Variants in RPS6KC1 observed in about 807,000 individuals in gnomAD.
The protein encoded by RPS6KC1 is inactive ribosomal protein S6 kinase delta-1.
A neutral mutation model predicts 103.8 loss-of-function variants in RPS6KC1; 54 were observed. The observed-to-expected ratio is 0.52, with a 90% CI of 0.42 to 0.65. The LOEUF is 0.65. Ranked by LOEUF, RPS6KC1 falls within the 30% of genes least tolerant of loss-of-function variation. The probability of loss-of-function intolerance (pLI) is 0.00; values close to 1 mark genes in which losing one functional copy is unlikely to be tolerated. For synonymous variants in RPS6KC1, 439 were observed against 438.7 expected, an observed-to-expected ratio of 1.00 and a Z score of -0.01; for missense variants, 1,151 against 1,253.8, an observed-to-expected ratio of 0.92 and a Z score of 1.24.
At chr1:213,167,318 G>T (rs1255812733) in intron 6 of RPS6KC1, among the ~76,000 whole-genome samples, 1 of 152,088 alleles carries the variant, frequency 6.6e-6, no homozygotes, top group East Asian at 1.9e-4. Flanking sequence ...TAAGAAGAGG[G>T]TTCTACTAGT....
chr1:213,591,179 G>A, the RPS6KC1 span, among the ~76,000 whole-genome samples: 5 of 152,136 alleles, frequency 3.3e-5, no homozygotes, highest in East Asian at 7.7e-4. Flanking sequence ...AGAAAGAACC[G>A]AGAGATGCCC....
intron 14 of RPS6KC1, among the ~76,000 whole-genome samples, chr1:213,269,464 G>A (rs182454072): frequency 4.3e-4 from 65 of 152,200 alleles, no homozygotes; most frequent in African/African-American, 1.4e-3. Flanking sequence ...CAGTGACTGC[G>A]GAACACACAT....
chr1:213,811,947 A>G, the RPS6KC1 span, among the ~76,000 whole-genome samples: 2 of 152,340 alleles, frequency 1.3e-5, no homozygotes, highest in South Asian at 4.1e-4. Context: ...ATCTTATTTA[A>G]TTCTTGACTC....
chr1:213,555,095 T>C, the RPS6KC1 span, among the ~76,000 whole-genome samples: 2 of 152,188 alleles, frequency 1.3e-5, no homozygotes, highest in Admixed American at 1.3e-4. Context: ...AGCACACCTA[T>C]TCGTAGAAGA....
the RPS6KC1 span, among the ~76,000 whole-genome samples, chr1:213,448,398 C>A: frequency 6.6e-6 from 1 of 151,830 alleles, no homozygotes; most frequent in Non-Finnish European, 1.5e-5. Context: ...TTTTCGAAAC[C>A]CCCGGATGAT....
chr1:213,300,236 A>C, the RPS6KC1 span, among the ~76,000 whole-genome samples: 2 of 152,232 alleles, frequency 1.3e-5, no homozygotes, highest in African/African-American at 4.8e-5. Context: ...GAATTGAATA[A>C]AATGATTCTT....
chr1:213,673,697 C>A, the RPS6KC1 span, among the ~76,000 whole-genome samples: 1 of 152,166 alleles, frequency 6.6e-6, no homozygotes, highest in African/African-American at 2.4e-5. Context: ...TTCAGAATGT[C>A]CTGGAAAACC....
chr1:213,600,332 G>A, the RPS6KC1 span, among the ~76,000 whole-genome samples: 4 of 152,152 alleles, frequency 2.6e-5, no homozygotes, highest in Admixed American at 2.6e-4. Context: ...GTTCAAAACA[G>A]TCCACACACC....
chr1:213,822,595 C>A, the RPS6KC1 span, among the ~76,000 whole-genome samples: 1 of 152,188 alleles, frequency 6.6e-6, no homozygotes, highest in Admixed American at 6.5e-5. Context: ...ATGTCCAGAT[C>A]AACCAAAGCA....
intron 7 of RPS6KC1, among the ~76,000 whole-genome samples, chr1:213,170,115 C>T (rs1050842705): frequency 4.6e-5 from 7 of 152,110 alleles, no homozygotes; most frequent in African/African-American, 1.7e-4. Flanking sequence ...TTTAAAATTA[C>T]CAGTATTCTA....
chr1:213,518,418 A>C, the RPS6KC1 span, among the ~76,000 whole-genome samples: 3 of 152,236 alleles, frequency 2.0e-5, no homozygotes, highest in Non-Finnish European at 2.9e-5. Flanking sequence ...TGCAGAGATT[A>C]CAGTGATGCT....
chr1:213,770,615 C>G, the RPS6KC1 span, among the ~76,000 whole-genome samples: 1 of 152,156 alleles, frequency 6.6e-6, no homozygotes, highest in Non-Finnish European at 1.5e-5. Flanking sequence ...AAAGACCCTC[C>G]CTCATTTAGC....
rs534257315 is a variant in RPS6KC1 at position 213,188,847 on chromosome 1, T to A, written c.1044+12355T>A. On this transcript the variant is annotated intron_variant, in intron 8 of 14. Coordinates refer to ENST00000366960, the MANE Select transcript of RPS6KC1 (RefSeq NM_012424.6). ...TTTTCCGCAAGGTTTTTTTTTTTTTTAAATGTAAATATAGACCCGATTATT... is the reference window on the plus strand; with the variant it reads ...TTTTCCGCAAGGTTTTTTTTTTTTTAAAATGTAAATATAGACCCGATTATT... Among the ~76,000 whole-genome samples, 15 of 146,054 alleles carry A rather than the reference T, an allele frequency of 1.0e-4. 1 individual carries two copies. Among genetic ancestry groups the A allele is most frequent in the African/African-American group, 2.9e-4 (12 of 41,060 alleles).
chr1:213,162,627 C>T (rs779667785), intron 6 of RPS6KC1, among the ~76,000 whole-genome samples: 1 of 152,146 alleles, frequency 6.6e-6, no homozygotes, highest in Non-Finnish European at 1.5e-5. Flanking sequence ...TGGATTCTCT[C>T]TTTAAAATTG....
At chr1:213,712,935 C>A in the RPS6KC1 span, among the ~76,000 whole-genome samples, 1 of 152,152 alleles carries the variant, frequency 6.6e-6, no homozygotes, top group Non-Finnish European at 1.5e-5. Flanking sequence ...CTGGGAGCTG[C>A]AGACTGGAGC....
intron 3 of RPS6KC1, among the ~76,000 whole-genome samples, chr1:213,101,559 ATT>A (rs993263237): frequency 1.3e-5 from 2 of 151,380 alleles, no homozygotes; most frequent in South Asian, 4.2e-4. Context: ...AAAGCCTCCA[ATT>A]TTTTTTTGTA....
At chr1:213,644,380 C>T in the RPS6KC1 span, among the ~76,000 whole-genome samples, 146 of 152,072 alleles carry the variant, frequency 9.6e-4, no homozygotes, top group African/African-American at 3.4e-3. Context: ...TCATCATCAC[C>T]CAAAGTCCAT....
intron 1 of RPS6KC1, among the ~76,000 whole-genome samples, chr1:213,063,932 T>G (rs895987899): frequency 6.6e-6 from 1 of 152,188 alleles, no homozygotes. Context: ...TGTAAGGTAA[T>G]ACTTTTTAAG....
chr1:213,776,595 A>G, the RPS6KC1 span, among the ~76,000 whole-genome samples: 1 of 152,338 alleles, frequency 6.6e-6, no homozygotes, highest in Admixed American at 6.5e-5. Flanking sequence ...AGAGCACAGG[A>G]AAAGTAGATT....
Sources: gnomAD v4.1 joint callset for allele counts (sites outside exome capture counted in the v4.1 genomes callset) on GRCh38, gnomAD v4.1.1 for gene constraint, MANE v1.5 for transcripts, NCBI Gene and HGNC (gene_info 2026-07-23, HGNC 2026-07-21) for gene names.